Variants in GALNT13 observed in about 807,000 individuals in gnomAD.
The protein encoded by GALNT13 is polypeptide N-acetylgalactosaminyltransferase 13, also known as UDP-GalNAc:polypeptide N-acetylgalactosaminyltransferase 13.
A neutral mutation model predicts 64.2 loss-of-function variants in GALNT13; 28 were observed. That is an observed-to-expected ratio of 0.44 (90% CI 0.32 to 0.60). The LOEUF (loss-of-function observed/expected upper bound fraction) is 0.60, where lower values mean the gene tolerates loss of function less well. GALNT13 is among the 20% of genes least tolerant of loss of function. The pLI is 0.05. For synonymous variants in GALNT13, 214 were observed against 224.6 expected, an observed-to-expected ratio of 0.95 and a Z score of 0.42; for missense variants, 577 against 669.8, an observed-to-expected ratio of 0.86 and a Z score of 1.53.
the GALNT13 span, among the ~76,000 whole-genome samples, chr2:153,699,279 C>A: frequency 6.6e-6 from 1 of 152,144 alleles, no homozygotes; most frequent in Non-Finnish European, 1.5e-5. Context: ...TCAAGAAGTT[C>A]TTTGAAATGA....
the GALNT13 span, among the ~76,000 whole-genome samples, chr2:153,639,916 C>T: frequency 1.3e-5 from 2 of 151,916 alleles, no homozygotes; most frequent in Non-Finnish European, 2.9e-5. Context: ...TAAGGGATGA[C>T]CTGGAAATTC....
At chr2:154,293,930 G>C (rs969004369) in intron 8 of GALNT13, among the ~76,000 whole-genome samples, 1 of 152,018 alleles carries the variant, frequency 6.6e-6, no homozygotes, top group African/African-American at 2.4e-5. Context: ...TCTTGTATTA[G>C]CTTAGTATTA....
At chr2:154,242,455 A>G (rs1689545071) in intron 5 of GALNT13, among the ~76,000 whole-genome samples, 2 of 152,104 alleles carry the variant, frequency 1.3e-5, no homozygotes, top group South Asian at 4.1e-4. Context: ...AGCCAAAATG[A>G]CTTTCAAAAA....
the GALNT13 span, among the ~76,000 whole-genome samples, chr2:153,525,094 GCTC>G: frequency 6.6e-6 from 1 of 152,198 alleles, no homozygotes; most frequent in African/African-American, 2.4e-5. Flanking sequence ...GAGCCATGGG[GCTC>G]CTCTTTCAGG....
intron 11 of GALNT13, among the ~76,000 whole-genome samples, chr2:154,414,518 G>C (rs199950837): frequency 7.5e-6 from 1 of 133,948 alleles, no homozygotes; most frequent in African/African-American, 2.8e-5. Flanking sequence ...TTTTTTTTTT[G>C]TTTTTTATCT....
intron 3 of GALNT13, among the ~76,000 whole-genome samples, chr2:154,059,033 A>T (rs1276411819): frequency 6.6e-6 from 1 of 152,196 alleles, no homozygotes; most frequent in Non-Finnish European, 1.5e-5. Flanking sequence ...TAAATTCTGT[A>T]TTTTGAAATA....
chr2:154,426,776 TGTCA>T (rs1700490087), intron 11 of GALNT13, among the ~76,000 whole-genome samples: 1 of 152,180 alleles, frequency 6.6e-6, no homozygotes, highest in Non-Finnish European at 1.5e-5. Context: ...AGAATAGAAA[TGTCA>T]GTCACATTTT....
At chr2:153,587,792 C>A in the GALNT13 span, among the ~76,000 whole-genome samples, 47 of 152,314 alleles carry the variant, frequency 3.1e-4, no homozygotes, top group African/African-American at 1.0e-3. Context: ...AGTCTTAACT[C>A]ATTTCAGCAT....
At chr2:154,084,575 C>G (rs182172941) in intron 3 of GALNT13, among the ~76,000 whole-genome samples, 13 of 151,790 alleles carry the variant, frequency 8.6e-5, no homozygotes, top group African/African-American at 2.9e-4. Flanking sequence ...TTTCACTTGC[C>G]TCTATTACAA....
chr2:154,043,414 T>TTATATATATATA (rs1179722579), intron 3 of GALNT13, among the ~76,000 whole-genome samples: 30 of 78,224 alleles, frequency 3.8e-4, no homozygotes, highest in East Asian at 1.4e-3. Flanking sequence ...ATAAGGACTT[T>TTATATATATATA]TATATATATA....
intron 3 of GALNT13, among the ~76,000 whole-genome samples, chr2:154,012,975 T>C (rs1175742105): frequency 6.6e-6 from 1 of 151,766 alleles, no homozygotes; most frequent in Non-Finnish European, 1.5e-5. Flanking sequence ...TTGTATTTCC[T>C]GGATTCTTTG....
chr2:153,418,993 C>T, the GALNT13 span, among the ~76,000 whole-genome samples: 1 of 152,118 alleles, frequency 6.6e-6, no homozygotes, highest in South Asian at 2.1e-4. Context: ...TATCTCCATA[C>T]CATAGATTAA....
the GALNT13 span, among the ~76,000 whole-genome samples, chr2:153,739,596 A>C: frequency 7.2e-6 from 1 of 139,134 alleles, no homozygotes; most frequent in Non-Finnish European, 1.6e-5. Flanking sequence ...TTATTTATTT[A>C]TTTATTTATT....
downstream of GALNT13, among the ~76,000 whole-genome samples, chr2:154,455,732 C>T (rs532762285): frequency 2.0e-5 from 3 of 152,222 alleles, no homozygotes. Context: ...ATATGTGTAG[C>T]CCAGTTTGTT....
chr2:153,162,640 A>G, the GALNT13 span, among the ~76,000 whole-genome samples: 3 of 152,234 alleles, frequency 2.0e-5, no homozygotes, highest in Non-Finnish European at 2.9e-5. Flanking sequence ...TCATTTTTCT[A>G]GTAACATATG....
At chr2:154,276,761 A>C (rs184593645) in intron 8 of GALNT13, among the ~76,000 whole-genome samples, 1 of 152,094 alleles carries the variant, frequency 6.6e-6, no homozygotes, top group Non-Finnish European at 1.5e-5. Flanking sequence ...GTGGGAGGCA[A>C]TTTAATCATG....
chr2:153,608,301 A>T, the GALNT13 span, among the ~76,000 whole-genome samples: 2 of 152,196 alleles, frequency 1.3e-5, no homozygotes, highest in Admixed American at 1.3e-4. Flanking sequence ...AATCGTGAGG[A>T]CAAGTGTCAT....
the GALNT13 span, among the ~76,000 whole-genome samples, chr2:153,366,025 A>G: frequency 6.6e-6 from 1 of 152,178 alleles, no homozygotes; most frequent in African/African-American, 2.4e-5. Flanking sequence ...GAAAAAGAAA[A>G]TGTTATACAT....
chr2:153,861,274 G>A, the GALNT13 span, among the ~76,000 whole-genome samples: 158 of 152,196 alleles, frequency 1.0e-3, 1 homozygote, highest in East Asian at 0.016. Flanking sequence ...TTTTACCAAC[G>A]AAATAACTAC....
Sources: allele counts gnomAD v4.1 joint callset (sites outside exome capture counted in the v4.1 genomes callset), GRCh38; gene constraint gnomAD v4.1.1; transcripts MANE v1.5; gene names NCBI Gene and HGNC (gene_info 2026-07-23, HGNC 2026-07-21).